Variants in SYT16 observed in about 807,000 individuals in gnomAD.
SYT16 encodes synaptotagmin 16.
Under a neutral mutation model 61.4 loss-of-function variants are expected in SYT16, and 42 were observed. The observed-to-expected ratio is 0.68, with a 90% CI of 0.53 to 0.89. SYT16 has a LOEUF of 0.89. Among genes scored for constraint, SYT16 ranks in the 40% least tolerant of loss-of-function variants. SYT16 has a pLI of 0.00. For missense variants in SYT16, 804 were observed against 807.3 expected, an observed-to-expected ratio of 1.00 and a Z score of 0.05; for synonymous variants, 314 against 302.3, an observed-to-expected ratio of 1.04 and a Z score of -0.40.
chr14:61,949,496 G>A (rs1566708220), intron 1 of SYT16, among the ~76,000 whole-genome samples: 2 of 152,104 alleles, frequency 1.3e-5, no homozygotes, highest in African/African-American at 4.8e-5. Flanking sequence ...TCAGGCTGGA[G>A]TGCAGTGGCT....
chr14:61,932,667 A>G (rs571256281), intron 1 of SYT16, among the ~76,000 whole-genome samples: 1 of 152,318 alleles, frequency 6.6e-6, no homozygotes, highest in African/African-American at 2.4e-5. Context: ...GGGTGGGGAC[A>G]CAGAGCCAAA....
rs558369801 is a variant in SYT16 at position 61,946,308 on chromosome 14, T to C, written c.-324-23824T>C. ...CAGAAACAGAAAGTCAAATACTGCA[T>C]GTTCTCACTTATAAGTGGGAGCTAA... On this transcript the variant is annotated intron_variant, in intron 1 of 7. Transcript: ENST00000683842. Among the ~76,000 whole-genome samples the C allele has an allele frequency of 2.8e-3, 419 of 152,332 alleles. 4 individuals are homozygous for C. Among genetic ancestry groups the C allele is most frequent in the Non-Finnish European group, 3.4e-3 (234 of 68,034 alleles).
intron 1 of SYT16, among the ~76,000 whole-genome samples, chr14:61,886,429 T>C (rs2140327988): frequency 6.6e-6 from 1 of 152,334 alleles, no homozygotes; most frequent in East Asian, 1.9e-4. Context: ...CCTTGCCACT[T>C]CTTTATCAAC....
At chr14:61,934,342 G>A (rs1346132303) in intron 1 of SYT16, among the ~76,000 whole-genome samples, 1 of 152,154 alleles carries the variant, frequency 6.6e-6, no homozygotes, top group Non-Finnish European at 1.5e-5. Flanking sequence ...CCCATTAAAT[G>A]TTAATCATCT....
At chr14:61,840,800 T>C (rs980471217) in intron 1 of SYT16, among the ~76,000 whole-genome samples, 5 of 152,144 alleles carry the variant, frequency 3.3e-5, no homozygotes, top group African/African-American at 9.7e-5. Context: ...CTCATAAATA[T>C]AGGCTATTCC....
intron 3 of SYT16, among the ~76,000 whole-genome samples, chr14:62,046,835 C>T (rs931618956): frequency 2.6e-5 from 4 of 152,164 alleles, no homozygotes; most frequent in African/African-American, 4.8e-5. Context: ...GTACCAGTAC[C>T]ATGCTGTTTT....
At chr14:62,070,550 C>T (rs2056260171) in intron 4 of SYT16, among the ~76,000 whole-genome samples, 1 of 152,146 alleles carries the variant, frequency 6.6e-6, no homozygotes, top group African/African-American at 2.4e-5. Flanking sequence ...GTTACAGGTC[C>T]TCCTCCCCTC....
chr14:61,915,919 C>A (rs2049104974), intron 1 of SYT16, among the ~76,000 whole-genome samples: 1 of 152,300 alleles, frequency 6.6e-6, no homozygotes, highest in East Asian at 1.9e-4. Context: ...AAGATGATCT[C>A]ACGGGTTTGA....
intron 3 of SYT16, among the ~76,000 whole-genome samples, chr14:62,039,875 A>ACACACACG (rs1390417627): frequency 1.0e-4 from 11 of 105,478 alleles, no homozygotes; most frequent in Admixed American, 7.8e-4. Flanking sequence ...ACACACACAC[A>ACACACACG]CACGCACATA....
At chr14:62,051,028 G>T (rs541932843) in intron 3 of SYT16, among the ~76,000 whole-genome samples, 10 of 152,222 alleles carry the variant, frequency 6.6e-5, no homozygotes, top group Non-Finnish European at 1.3e-4. Flanking sequence ...GTCTGTAGAG[G>T]TTACTGCTGC....
intron 3 of SYT16, among the ~76,000 whole-genome samples, chr14:62,017,289 G>A (rs553890828): frequency 3.3e-5 from 5 of 152,268 alleles, no homozygotes; most frequent in South Asian, 2.1e-4. Context: ...ATGCCTCCCT[G>A]ACTTCTAAAT....
chr14:62,107,421 G>C lies in SYT16; in HGVS notation c.*6714G>C, dbSNP rs2057532999. 1 of 152,160 alleles carries C rather than the reference G, an allele frequency of 6.6e-6. No homozygotes were observed. Among genetic ancestry groups the C allele is most frequent in the African/African-American group, 2.4e-5 (1 of 41,420 alleles). The allele number at this position is 152,160 out of a possible 1,614,324, so 9.4% of individuals were successfully genotyped here. ...GCATTCAGCCTGGGTAGCAGAGTGAGACTCTGTCTCAAAAAAACCAAAAAA... is the reference window on the plus strand; with the variant it reads ...GCATTCAGCCTGGGTAGCAGAGTGACACTCTGTCTCAAAAAAACCAAAAAA... On this transcript the variant is annotated 3_prime_UTR_variant, in exon 8 of 8. Transcript: ENST00000683842.
At chr14:61,891,775 T>C (rs1212692402) in intron 1 of SYT16, among the ~76,000 whole-genome samples, 1 of 152,166 alleles carries the variant, frequency 6.6e-6, no homozygotes, top group Non-Finnish European at 1.5e-5. Context: ...TCTAAAAGGA[T>C]AAGGTAGTAG....
At chr14:62,066,895 C>T (rs756050817) in intron 3 of SYT16, among the ~76,000 whole-genome samples, 12 of 152,106 alleles carry the variant, frequency 7.9e-5, no homozygotes, top group Non-Finnish European at 4.4e-5. Flanking sequence ...CCGTGGCATC[C>T]GAGGGAGCAC....
intron 3 of SYT16, among the ~76,000 whole-genome samples, chr14:62,036,758 C>T (rs184643761): frequency 2.6e-5 from 4 of 152,196 alleles, no homozygotes; most frequent in East Asian, 3.9e-4. Flanking sequence ...GGGAAAAACC[C>T]GCCCTCATGA....
intron 3 of SYT16, among the ~76,000 whole-genome samples, chr14:62,018,568 A>G (rs772339203): frequency 1.3e-5 from 2 of 151,478 alleles, no homozygotes; most frequent in Non-Finnish European, 2.9e-5. Context: ...TGGCCTCCCA[A>G]AGTGCTGGGA....
chr14:61,880,583 C>A (rs980635985), intron 1 of SYT16, among the ~76,000 whole-genome samples: 1 of 152,170 alleles, frequency 6.6e-6, no homozygotes, highest in Non-Finnish European at 1.5e-5. Flanking sequence ...AAAATCAAAT[C>A]TTCCTACTCA....
intron 2 of SYT16, among the ~76,000 whole-genome samples, chr14:61,994,092 G>A (rs764303699): frequency 6.6e-6 from 1 of 152,132 alleles, no homozygotes; most frequent in Non-Finnish European, 1.5e-5. Flanking sequence ...TAGGGTGTGG[G>A]GAATGAGATA....
At chr14:61,864,849 G>A in intron 1 of SYT16, 1 of 1,086,620 alleles carries the variant, frequency 9.2e-7, no homozygotes, top group Non-Finnish European at 1.4e-6. Flanking sequence ...TGCTATCGCT[G>A]CATATTCTCC....
Sources: allele counts gnomAD v4.1 joint callset (sites outside exome capture counted in the v4.1 genomes callset), GRCh38; gene constraint gnomAD v4.1.1; transcripts MANE v1.5; gene names NCBI Gene and HGNC (gene_info 2026-07-23, HGNC 2026-07-21).